Variants in TRDN observed in about 807,000 individuals in gnomAD.
TRDN encodes the protein triadin.
A neutral mutation model predicts 149.7 loss-of-function variants in TRDN; 161 were observed. That is an observed-to-expected ratio of 1.08 (90% CI 0.95 to 1.23). The LOEUF is 1.23. Ranked by LOEUF, TRDN falls within the 50% of genes most tolerant of loss-of-function variation. The pLI is 0.00. For synonymous variants in TRDN, 294 were observed against 250.5 expected (o/e 1.17, Z -1.64); for missense variants, 896 against 823.5 (o/e 1.09, Z -1.08).
rs548712819 is a variant in TRDN, at chr6:123,442,794, G to C, written c.932-3791C>G. Among the ~76,000 whole-genome samples, 4 of 151,964 alleles carry C rather than the reference G, an allele frequency of 2.6e-5. No homozygotes were observed. The South Asian group carries it at 8.3e-4, about 32-fold the overall frequency. Reference sequence around the variant, plus strand: ...TTTATTCTTATTTTTCTATATCCAGGGAGGGTATGTCTAGAATATTTTGTA... The same window carrying C: ...TTTATTCTTATTTTTCTATATCCAGCGAGGGTATGTCTAGAATATTTTGTA... On this transcript the variant is annotated intron_variant, in intron 10 of 40. Transcript: ENST00000334268.
At position 123,516,631 on chromosome 6, in the gene TRDN, A is replaced by G. The variant is rs115877473; in HGVS notation, c.485-425T>C. ...GCAAAGAACTATCAACTTAAACAGTATGTGTTAATCGTCTACAGAAACATT... is the reference window on the plus strand; with the variant it reads ...GCAAAGAACTATCAACTTAAACAGTGTGTGTTAATCGTCTACAGAAACATT... On this transcript the variant is annotated intron_variant, in intron 5 of 40. Transcript: ENST00000334268. Among the ~76,000 whole-genome samples the G allele has an allele frequency of 4.2e-3, 643 of 152,248 alleles. 3 individuals carry two copies. The highest frequency in any genetic ancestry group is 0.015 in the African/African-American group (617 of 41,568).
chr6:123,542,400 A>G (rs1780881238), intron 4 of TRDN, among the ~76,000 whole-genome samples: 1 of 152,202 alleles, frequency 6.6e-6, no homozygotes, highest in African/African-American at 2.4e-5. Context: ...TCTCCTGTCC[A>G]AAAAACTAAA....
intron 7 of TRDN, among the ~76,000 whole-genome samples, chr6:123,510,708 A>G (rs10872267): frequency 0.83 from 125,655 of 150,998 alleles, 52,498 homozygotes; most frequent in East Asian, 0.88. Flanking sequence ...CAGTGGCGCA[A>G]TCTCAGCTCA....
chr6:123,329,535 C>G (rs532743103), intron 23 of TRDN, among the ~76,000 whole-genome samples: 1 of 152,038 alleles, frequency 6.6e-6, no homozygotes, highest in Non-Finnish European at 1.5e-5. Context: ...GAGACAACAC[C>G]TCCTACAGGT....
At chr6:123,322,776 G>A (rs1338407167) in intron 23 of TRDN, among the ~76,000 whole-genome samples, 1 of 151,850 alleles carries the variant, frequency 6.6e-6, no homozygotes, top group Non-Finnish European at 1.5e-5. Context: ...CAGCAGCTGG[G>A]ACTATAGGTG....
At chr6:123,490,651 T>A (rs1162892536) in intron 9 of TRDN, among the ~76,000 whole-genome samples, 2 of 152,212 alleles carry the variant, frequency 1.3e-5, no homozygotes, top group African/African-American at 4.8e-5. Flanking sequence ...TAAAAGAGCA[T>A]GTCACAGTAC....
intron 12 of TRDN, among the ~76,000 whole-genome samples, chr6:123,414,725 G>T (rs1773582446): frequency 6.6e-6 from 1 of 152,038 alleles, no homozygotes; most frequent in Non-Finnish European, 1.5e-5. Context: ...TCGCATAATA[G>T]TTTTGCCAAA....
At chr6:123,305,349 C>T (rs1016694048) in intron 24 of TRDN, among the ~76,000 whole-genome samples, 2 of 152,066 alleles carry the variant, frequency 1.3e-5, no homozygotes, top group Non-Finnish European at 2.9e-5. Context: ...AGCTATAATA[C>T]ACCTGTTATT....
At chr6:123,358,504 G>A (rs966405793) in intron 20 of TRDN, among the ~76,000 whole-genome samples, 4 of 150,596 alleles carry the variant, frequency 2.7e-5, no homozygotes, top group Admixed American at 6.6e-5. Context: ...TGCATTTGTC[G>A]CCCAGGCTGG....
chr6:123,534,181 G>C (rs537475631), intron 4 of TRDN, among the ~76,000 whole-genome samples: 1 of 152,154 alleles, frequency 6.6e-6, no homozygotes, highest in African/African-American at 2.4e-5. Flanking sequence ...GCAGATTTTT[G>C]TTTTACAGGT....
At position 123,278,342 on chromosome 6, in the gene TRDN, G is replaced by A; in HGVS notation, c.1543C>T (p.Gln515Ter). ...KEVKPKPPQL[Q>*]GKKEEKPEPQ... ...CCTGGCTTCTCTTCCTTTTTTCCTTGTAGTTCTAAAAATATAGATGAACAT... is the reference window on the plus strand; with the variant it reads ...CCTGGCTTCTCTTCCTTTTTTCCTTATAGTTCTAAAAATATAGATGAACAT... Residue 515 changes from glutamine (Q) to a stop codon, truncating the protein, a stop_gained, in exon 26 of 41, where the codon CAA becomes TAA. Transcript: ENST00000334268. LOFTEE classifies it high-confidence loss of function. 7.8e-7 allele frequency: 1 copy of A among 1,290,268 alleles called. No individual in the cohort carries two copies. The highest frequency in any genetic ancestry group is 1.0e-6 in the Non-Finnish European group (1 of 954,738). 79.9% of individuals were successfully genotyped at this position (1,290,268 alleles called of 1,614,324 possible).
intron 20 of TRDN, among the ~76,000 whole-genome samples, chr6:123,353,475 T>A (rs976994212): frequency 2.0e-5 from 3 of 151,886 alleles, no homozygotes; most frequent in African/African-American, 4.8e-5. Flanking sequence ...AAAGTATTAT[T>A]TCCAAGGTAT....
chr6:123,393,652 T>C lies in TRDN; in HGVS notation c.1077A>G (p.Lys359=). The C allele has an allele frequency of 1.2e-6, 2 of 1,607,358 alleles. No homozygotes were observed. The highest frequency in any genetic ancestry group is 1.7e-6 in the Non-Finnish European group (2 of 1,176,268). Residue 359 remains lysine, a synonymous_variant, in exon 13 of 41, where the codon AAA becomes AAG. Transcript: ENST00000334268. ...GTGCTGCAATTTTTACAGTCCCTTG[T>C]TTGGTTTCAGAAGCTTTTCCCGGCT... ...KKEPGKASET[K]QGTVKIAAQA...
chr6:123,588,609 G>A (rs1583292843), intron 1 of TRDN, among the ~76,000 whole-genome samples: 1 of 152,090 alleles, frequency 6.6e-6, no homozygotes, highest in Non-Finnish European at 1.5e-5. Context: ...GTCTGCTTGG[G>A]CTGCCATAAC....
intron 20 of TRDN, among the ~76,000 whole-genome samples, chr6:123,357,303 T>C (rs1780719886): frequency 6.6e-6 from 1 of 152,110 alleles, no homozygotes; most frequent in Non-Finnish European, 1.5e-5. Flanking sequence ...ATAAATATTT[T>C]CAGTTGAAAG....
intron 9 of TRDN, among the ~76,000 whole-genome samples, chr6:123,491,058 A>G (rs1300538423): frequency 6.6e-6 from 1 of 151,590 alleles, no homozygotes; most frequent in East Asian, 1.9e-4. Context: ...GTGAGCCGAG[A>G]TGGCACCACT....
intron 8 of TRDN, chr6:123,502,213 T>C: frequency 1.0e-6 from 1 of 983,498 alleles, no homozygotes; most frequent in East Asian, 1.1e-4. Flanking sequence ...TTATTTCTGC[T>C]GTTTTTTTAC....
intron 1 of TRDN, among the ~76,000 whole-genome samples, chr6:123,599,970 A>T (rs1562418324): frequency 1.3e-5 from 2 of 151,796 alleles, no homozygotes; most frequent in South Asian, 4.2e-4. Context: ...TTATATTGCA[A>T]TTGCCTGTTT....
At chr6:123,528,755 A>G in intron 5 of TRDN, 3 of 990,264 alleles carry the variant, frequency 3.0e-6, no homozygotes, top group Non-Finnish European at 3.6e-6. Context: ...CCATTTACAG[A>G]CGGGAAACTA....
Sources: allele counts gnomAD v4.1 joint callset (sites outside exome capture counted in the v4.1 genomes callset), GRCh38; gene constraint gnomAD v4.1.1; transcripts MANE v1.5; gene names NCBI Gene and HGNC (gene_info 2026-07-23, HGNC 2026-07-21).